Variants in PIWIL1 observed in about 807,000 individuals in gnomAD.
The protein encoded by PIWIL1 is piwi like RNA-mediated gene silencing 1.
A neutral mutation model predicts 114.4 loss-of-function variants in PIWIL1; 73 were observed. The ratio of observed to expected loss-of-function variants is 0.64; its 90% CI spans 0.53 to 0.78. The LOEUF (loss-of-function observed/expected upper bound fraction) is 0.78. PIWIL1 is among the 30% of genes least tolerant of loss of function. The pLI, the probability that PIWIL1 is intolerant of heterozygous loss-of-function variation, is 0.00. For synonymous variants in PIWIL1, 375 were observed against 369.0 expected (o/e 1.02, Z -0.19); for missense variants, 723 against 1,063.1 (o/e 0.68, Z 4.45).
chr12:130,362,875 TG>T (rs775879246), intron 17 of PIWIL1, 39 bp downstream of exon 17: 1 of 1,611,176 alleles, frequency 6.2e-7, no homozygotes, highest in South Asian at 1.1e-5. Flanking sequence ...CTCTCTAAAC[TG>T]GGGTCTTCCA....
chr12:130,377,939 G>T, the PIWIL1 span, among the ~76,000 whole-genome samples: 1 of 152,196 alleles, frequency 6.6e-6, no homozygotes, highest in East Asian at 1.9e-4. Flanking sequence ...TCTGGACAGC[G>T]CAAGAATCTT....
Position 130,354,854 on chromosome 12 carries a change from T to G in PIWIL1, c.1172-34T>G, listed in dbSNP as rs914389072. On this transcript the variant is annotated intron_variant, in intron 10 of 20. Transcript: ENST00000245255. ...GTTATTTAGACCTGATTATTATTTC[T>G]TTAACCATATGCCTTTAAATGTCTT... The G allele has an allele frequency of 2.7e-6, 4 of 1,493,354 alleles. No homozygotes were observed. The African/African-American group carries it at 5.5e-5, about 21-fold the overall frequency. 92.5% of individuals were successfully genotyped at this position (1,493,354 alleles called of 1,614,324 possible).
At chr12:130,370,252 A>G (rs1259968455) in intron 19 of PIWIL1, among the ~76,000 whole-genome samples, 1 of 152,112 alleles carries the variant, frequency 6.6e-6, no homozygotes, top group Non-Finnish European at 1.5e-5. Flanking sequence ...ATGAAAAAAA[A>G]AAAAAACTAA....
At chr12:130,375,092 T>TC (rs2073856683), downstream of PIWIL1, among the ~76,000 whole-genome samples, 1 of 152,150 alleles carries the variant, frequency 6.6e-6, no homozygotes, top group Non-Finnish European at 1.5e-5. Context: ...TGTCAGCCGC[T>TC]CCCCCTCCCT....
chr12:130,348,722 G>A (rs1242547961), intron 7 of PIWIL1, among the ~76,000 whole-genome samples: 1 of 152,152 alleles, frequency 6.6e-6, no homozygotes. Context: ...CCAAGATGAT[G>A]AAACCCCGTC....
At chr12:130,407,805 C>T in the PIWIL1 span, 33 of 1,613,942 alleles carry the variant, frequency 2.0e-5, 1 homozygote, top group East Asian at 4.7e-4. Flanking sequence ...TACCGAATGA[C>T]GCCTGCCACT....
chr12:130,376,826 C>A (rs190402476), downstream of PIWIL1, among the ~76,000 whole-genome samples: 1 of 152,352 alleles, frequency 6.6e-6, no homozygotes, highest in East Asian at 1.9e-4. Context: ...TGCTTACAGT[C>A]CCACTATGGA....
chr12:130,354,877 C>T lies in PIWIL1; in HGVS notation c.1172-11C>T. The T allele has an allele frequency of 1.3e-6, 2 of 1,551,670 alleles. No individual in the cohort carries two copies. The highest frequency in any genetic ancestry group is 1.8e-6 in the Non-Finnish European group (2 of 1,124,396). ...TCTTTAACCATATGCCTTTAAATGT[C>T]TTATTTAAAGGTCTAACTGATAAAA... On this transcript the variant is annotated splice_polypyrimidine_tract_variant and intron_variant, in intron 10 of 20. Transcript: ENST00000245255.
At chr12:130,385,158 C>T in the PIWIL1 span, among the ~76,000 whole-genome samples, 1 of 152,136 alleles carries the variant, frequency 6.6e-6, no homozygotes, top group African/African-American at 2.4e-5. Context: ...AGTTAGTTGG[C>T]TTGGTGATGA....
At chr12:130,399,533 TC>T in the PIWIL1 span, 2 of 818,066 alleles carry the variant, frequency 2.4e-6, no homozygotes, top group Admixed American at 2.8e-5. Context: ...TAGGTACAAC[TC>T]CCATGGCTTC....
chr12:130,359,479 G>T (rs1458552521), intron 14 of PIWIL1, among the ~76,000 whole-genome samples: 1 of 152,156 alleles, frequency 6.6e-6, no homozygotes, highest in Non-Finnish European at 1.5e-5. Context: ...TGCTCTTGCT[G>T]CCATGAGCCC....
intron 1 of PIWIL1, among the ~76,000 whole-genome samples, chr12:130,339,094 G>T (rs1376722950): frequency 6.6e-6 from 1 of 152,096 alleles, no homozygotes; most frequent in Admixed American, 6.5e-5. Context: ...GTCCGCCGCC[G>T]CTGCGCTGCG....
intron 11 of PIWIL1, 144 bp from the exon 12 acceptor site, chr12:130,355,409 C>T (rs968753821): frequency 4.3e-6 from 3 of 691,432 alleles, no homozygotes; most frequent in Non-Finnish European, 7.8e-6. Context: ...TGATTGTGCT[C>T]CTGTGCCAGC....
intron 1 of PIWIL1, among the ~76,000 whole-genome samples, chr12:130,340,372 G>A (rs1039727043): frequency 2.6e-5 from 4 of 151,984 alleles, no homozygotes; most frequent in African/African-American, 9.7e-5. Flanking sequence ...ATTTTTCCAC[G>A]GACCGGTGAG....
chr12:130,395,467 T>TAAG, the PIWIL1 span, among the ~76,000 whole-genome samples: 1 of 152,166 alleles, frequency 6.6e-6, no homozygotes, highest in African/African-American at 2.4e-5. Flanking sequence ...GAAGAAAAGC[T>TAAG]AAGACCAGCT....
chr12:130,342,021 A>G (rs2072929666), intron 1 of PIWIL1, among the ~76,000 whole-genome samples: 1 of 152,234 alleles, frequency 6.6e-6, no homozygotes, highest in South Asian at 2.1e-4. Flanking sequence ...GACATGAGGT[A>G]GAAGAGATAC....
chr12:130,397,720 C>G, the PIWIL1 span: 11 of 387,280 alleles, frequency 2.8e-5, no homozygotes, highest in Non-Finnish European at 3.6e-5. Context: ...CACAGCACGC[C>G]AGAGAGAGGC....
At chr12:130,374,214 G>A (rs1465143683), downstream of PIWIL1, among the ~76,000 whole-genome samples, 2 of 152,166 alleles carry the variant, frequency 1.3e-5, no homozygotes, top group South Asian at 4.1e-4. Flanking sequence ...GTAATCTCCT[G>A]AACCTGCTGC....
At position 130,355,672 on chromosome 12, in the gene PIWIL1, G is replaced by A. The variant is rs1276101540; in HGVS notation, c.1404+5G>A. The A allele has an allele frequency of 6.3e-7, 1 of 1,592,538 alleles. No homozygotes were observed. Among genetic ancestry groups the A allele is most frequent in the Non-Finnish European group, 8.6e-7 (1 of 1,160,220 alleles). ...ATTCACCAAGGTGGAAAAACAGTAA[G>A]GCAGTTTTTCGTTGGTGTTGTTGTT... On this transcript the variant is annotated splice_donor_5th_base_variant and intron_variant, in intron 12 of 20. Coordinates refer to ENST00000245255, the MANE Select transcript of PIWIL1 (RefSeq NM_004764.5).
Sources: gnomAD v4.1 joint callset for allele counts (sites outside exome capture counted in the v4.1 genomes callset) on GRCh38, gnomAD v4.1.1 for gene constraint, MANE v1.5 for transcripts, NCBI Gene and HGNC (gene_info 2026-07-23, HGNC 2026-07-21) for gene names.